DNM3: variants seen among roughly 807,000 people sequenced by gnomAD.
DNM3 encodes the protein dynamin 3, also known as dynamin-3.
In DNM3, 47 loss-of-function variants were observed where a neutral mutation model predicts 101.6. The ratio of observed to expected loss-of-function variants is 0.46; its 90% CI spans 0.37 to 0.59. DNM3 has a LOEUF of 0.59. Among genes scored for constraint, DNM3 ranks in the 20% least tolerant of loss-of-function variants. The pLI is 0.00. For missense variants in DNM3, 849 were observed against 1,085.7 expected (o/e 0.78, Z 3.06); for synonymous variants, 385 against 387.9 (o/e 0.99, Z 0.09).
chr1:172,007,531 C>G (rs1558410576), intron 4 of DNM3, among the ~76,000 whole-genome samples: 1 of 152,062 alleles, frequency 6.6e-6, no homozygotes, highest in Admixed American at 6.6e-5. Flanking sequence ...ATTTCTGATA[C>G]AAATCTTTCA....
chr1:171,940,441 C>T (rs1451381571), intron 2 of DNM3, among the ~76,000 whole-genome samples: 1 of 152,160 alleles, frequency 6.6e-6, no homozygotes, highest in Non-Finnish European at 1.5e-5. Flanking sequence ...CTGTTACTCT[C>T]ATCTTGGCTA....
At chr1:172,064,394 C>T (rs1657463539) in intron 10 of DNM3, among the ~76,000 whole-genome samples, 1 of 151,988 alleles carries the variant, frequency 6.6e-6, no homozygotes, top group Admixed American at 6.6e-5. Flanking sequence ...ATGGTGATTG[C>T]ACATTAAATA....
chr1:172,056,084 C>T (rs562999882), intron 10 of DNM3, among the ~76,000 whole-genome samples: 16 of 152,248 alleles, frequency 1.1e-4, no homozygotes, highest in South Asian at 2.1e-4. Context: ...GGGTGACGGA[C>T]GGCACCTGGA....
At chr1:172,138,779 C>T (rs768320365) in intron 14 of DNM3, 1 of 391,030 alleles carries the variant, frequency 2.6e-6, no homozygotes, top group South Asian at 2.0e-5. Flanking sequence ...TGCTTTCTTT[C>T]AATGGCTGGT....
chr1:171,845,741 G>A (rs376890124), intron 1 of DNM3, among the ~76,000 whole-genome samples: 1 of 152,132 alleles, frequency 6.6e-6, no homozygotes, highest in South Asian at 2.1e-4. Flanking sequence ...AAATGTAATT[G>A]GATTGTTTAT....
chr1:172,072,577 A>T (rs910344356), intron 11 of DNM3, among the ~76,000 whole-genome samples: 1 of 152,168 alleles, frequency 6.6e-6, no homozygotes, highest in Non-Finnish European at 1.5e-5. Flanking sequence ...TGTGAGAATA[A>T]ATCACTCCCT....
At chr1:171,859,836 A>G (rs1330779717) in intron 1 of DNM3, among the ~76,000 whole-genome samples, 2 of 152,176 alleles carry the variant, frequency 1.3e-5, no homozygotes, top group East Asian at 1.9e-4. Flanking sequence ...AGGACAAGGA[A>G]TCAGTCATAA....
chr1:171,927,090 A>T (rs903706301), intron 2 of DNM3, among the ~76,000 whole-genome samples: 17 of 152,226 alleles, frequency 1.1e-4, no homozygotes, highest in Admixed American at 1.0e-3. Flanking sequence ...CTACCCTGGA[A>T]AGGAAGATGT....
At chr1:171,900,877 G>A (rs1438243287) in intron 1 of DNM3, among the ~76,000 whole-genome samples, 1 of 152,014 alleles carries the variant, frequency 6.6e-6, no homozygotes, top group Non-Finnish European at 1.5e-5. Flanking sequence ...GGGAGGCCGA[G>A]GCGGGCGGAT....
intron 15 of DNM3, among the ~76,000 whole-genome samples, chr1:172,276,848 C>T (rs1280092266): frequency 6.6e-6 from 1 of 151,980 alleles, no homozygotes; most frequent in Admixed American, 6.6e-5. Context: ...GCATGCCTTA[C>T]AACTCTATGA....
intron 14 of DNM3, among the ~76,000 whole-genome samples, chr1:172,184,071 T>C (rs2059441815): frequency 6.6e-6 from 1 of 152,050 alleles, no homozygotes; most frequent in African/African-American, 2.4e-5. Flanking sequence ...ATCTCAATTT[T>C]ATTTCTGCAA....
intron 17 of DNM3, among the ~76,000 whole-genome samples, chr1:172,359,832 T>C (rs1433781507): frequency 1.3e-5 from 2 of 152,056 alleles, no homozygotes; most frequent in Non-Finnish European, 2.9e-5. Flanking sequence ...CTCATTTATT[T>C]GCTTTTGCTT....
At chr1:171,874,401 A>G (rs2035571585) in intron 1 of DNM3, among the ~76,000 whole-genome samples, 1 of 152,182 alleles carries the variant, frequency 6.6e-6, no homozygotes, top group South Asian at 2.1e-4. Context: ...TAATTGTGGC[A>G]TTGGTACAAG....
At chr1:172,349,812 T>C (rs1321992249) in intron 17 of DNM3, among the ~76,000 whole-genome samples, 1 of 152,168 alleles carries the variant, frequency 6.6e-6, no homozygotes, top group Non-Finnish European at 1.5e-5. Context: ...GGATTTATTA[T>C]TCTGAATTAA....
intron 14 of DNM3, chr1:172,132,913 C>G: frequency 8.2e-7 from 1 of 1,221,608 alleles, no homozygotes. Flanking sequence ...GCGAGGATAA[C>G]CAACTTACCA....
intron 1 of DNM3, among the ~76,000 whole-genome samples, chr1:171,845,924 T>G (rs2032013418): frequency 6.6e-6 from 1 of 152,206 alleles, no homozygotes; most frequent in South Asian, 2.1e-4. Flanking sequence ...GTCTGAGTGG[T>G]AAATAGACTC....
At chr1:172,358,640 T>A (rs2067573003) in intron 17 of DNM3, among the ~76,000 whole-genome samples, 1 of 151,324 alleles carries the variant, frequency 6.6e-6, no homozygotes, top group African/African-American at 2.4e-5. Context: ...AACAGCAGAG[T>A]AAATGTTGGC....
rs1271527305 is a variant in DNM3, at chr1:172,412,468, T to G, written c.*4627T>G. On this transcript the variant is annotated 3_prime_UTR_variant, in exon 21 of 21. Coordinates refer to ENST00000627582, the MANE Select transcript of DNM3 (RefSeq NM_015569.5). ...TTTGGGTCAAATTTTTCTTTTGCTT[T>G]GTTTGAAGAAGGAATATACAGAAGT... 3 of 985,760 alleles carry G rather than the reference T, an allele frequency of 3.0e-6. No homozygotes were observed. Among genetic ancestry groups the G allele is most frequent in the Admixed American group, 1.2e-4 (2 of 16,264 alleles). 61.1% of individuals were successfully genotyped at this position (985,760 alleles called of 1,614,324 possible).
chr1:172,120,881 T>C (rs1399420529), intron 13 of DNM3, among the ~76,000 whole-genome samples: 2 of 152,156 alleles, frequency 1.3e-5, no homozygotes, highest in Admixed American at 6.5e-5. Context: ...GTTTCCTTGG[T>C]TTATTCTTGT....
Sources: allele counts gnomAD v4.1 joint callset (sites outside exome capture counted in the v4.1 genomes callset), GRCh38; gene constraint gnomAD v4.1.1; transcripts MANE v1.5; gene names NCBI Gene and HGNC (gene_info 2026-07-23, HGNC 2026-07-21).